The following ARHGEF18 variants were observed in gnomAD, a reference collection of about 807,000 sequenced individuals.
ARHGEF18 encodes the protein rho guanine nucleotide exchange factor 18.
Under a neutral mutation model 155.7 loss-of-function variants are expected in ARHGEF18, and 93 were observed. The observed-to-expected ratio is 0.60, with a 90% CI of 0.50 to 0.71. The LOEUF is 0.71. ARHGEF18 is among the 30% of genes least tolerant of loss of function. The pLI, the probability that ARHGEF18 is intolerant of heterozygous loss-of-function variation, is 0.00. For missense variants in ARHGEF18, 1,593 were observed against 1,816.1 expected (o/e 0.88, Z 2.23); for synonymous variants, 742 against 753.1 (o/e 0.99, Z 0.24).
chr19:7,402,700 C>T (rs915156935), intron 10 of ARHGEF18, among the ~76,000 whole-genome samples: 27 of 152,018 alleles, frequency 1.8e-4, no homozygotes, highest in Admixed American at 9.2e-4. Context: ...CAGCTTGCCC[C>T]GTAAGTGGTG....
chr19:7,478,951 C>G, the ARHGEF18 span, among the ~76,000 whole-genome samples: 1 of 152,276 alleles, frequency 6.6e-6, no homozygotes, highest in African/African-American at 2.4e-5. Flanking sequence ...CCAGCAGGCT[C>G]TGCAGCCGTG....
rs545863556 is a variant in ARHGEF18 at position 7,354,592 on chromosome 19, C to T, written c.-111+5351C>T. ...ATGAGCACTCGTTGACACACACACACCATACCCCACACTTGGGTACAGAGA... is the reference window on the plus strand; with the variant it reads ...ATGAGCACTCGTTGACACACACACATCATACCCCACACTTGGGTACAGAGA... On this transcript the variant is annotated intron_variant, in intron 1 of 28. Transcript: ENST00000668164. Among the ~76,000 whole-genome samples, 7 of 152,200 alleles carry T rather than the reference C, an allele frequency of 4.6e-5. No homozygotes were observed. The South Asian group carries it at 1.5e-3, about 32-fold the overall frequency.
At chr19:7,377,380 TTTC>T (rs1970511431) in intron 5 of ARHGEF18, among the ~76,000 whole-genome samples, 1 of 150,576 alleles carries the variant, frequency 6.6e-6, no homozygotes. Context: ...ATTCTGACTA[TTTC>T]TTTATCTCTT....
chr19:7,382,993 G>A, intron 9 of ARHGEF18, 69 bp from the exon 10 acceptor site: 2 of 1,232,308 alleles, frequency 1.6e-6, no homozygotes, highest in Non-Finnish European at 2.0e-6. Context: ...GTGGTGGGCT[G>A]GGTACACAGT....
chr19:7,431,028 C>T (rs1973928799), intron 10 of ARHGEF18, among the ~76,000 whole-genome samples: 1 of 151,982 alleles, frequency 6.6e-6, no homozygotes, highest in Non-Finnish European at 1.5e-5. Flanking sequence ...ATAGCACACA[C>T]CTATGGTCCC....
intron 3 of ARHGEF18, 47 bp from the exon 4 acceptor site, chr19:7,375,673 G>C: frequency 8.1e-7 from 1 of 1,233,558 alleles, no homozygotes. Context: ...GCAGCAGCCA[G>C]GTGGGCAAGA....
intron 16 of ARHGEF18, among the ~76,000 whole-genome samples, chr19:7,453,154 G>A (rs763437499): frequency 7.9e-5 from 12 of 151,966 alleles, no homozygotes; most frequent in East Asian, 1.9e-4. Flanking sequence ...CTGAGATTGC[G>A]CCATTGTACT....
At chr19:7,396,639 C>T (rs971387001) in intron 10 of ARHGEF18, among the ~76,000 whole-genome samples, 7 of 151,346 alleles carry the variant, frequency 4.6e-5, no homozygotes, top group African/African-American at 1.7e-4. Context: ...CACTTGAACT[C>T]GGGAGGCAGA....
intron 3 of ARHGEF18, among the ~76,000 whole-genome samples, chr19:7,375,366 G>GAAGAAAGAA (rs1444335275): frequency 7.2e-6 from 1 of 139,580 alleles, no homozygotes; most frequent in African/African-American, 2.6e-5. Flanking sequence ...AGGAAGGAAG[G>GAAGAAAGAA]AAGGAAGGAA....
At chr19:7,436,844 T>C (rs565691567) in intron 10 of ARHGEF18, among the ~76,000 whole-genome samples, 85 of 152,316 alleles carry the variant, frequency 5.6e-4, no homozygotes, top group African/African-American at 2.0e-3. Flanking sequence ...TTTTTTTACA[T>C]AGGTGTTGCT....
chr19:7,375,645 C>T (rs78541251), intron 3 of ARHGEF18, 75 bp from the exon 4 acceptor site: 4 of 1,221,472 alleles, frequency 3.3e-6, no homozygotes, highest in Non-Finnish European at 4.1e-6. Context: ...TTCTTTCAAG[C>T]CCCCCTGGAT....
At chr19:7,439,650 C>G (rs8110777) in intron 10 of ARHGEF18, 673,994 of 1,142,088 alleles carry the variant, frequency 0.59, 200,424 homozygotes, top group East Asian at 0.77. Context: ...CACTTCGATG[C>G]TAGAATTCTG....
In ARHGEF18 at chr19:7,362,836, C is replaced by T; in HGVS notation, c.-55C>T. ...TTGACTCTGGAGCTGTGGCTTCAGC[C>T]ACCAAGAGCAGCAGTGGATCCTGGA... On this transcript the variant is annotated 5_prime_UTR_variant, in exon 2 of 29. Transcript: ENST00000668164. The T allele has an allele frequency of 8.1e-7, 1 of 1,234,320 alleles. No individual in the cohort carries two copies. Among genetic ancestry groups the T allele is most frequent in the Non-Finnish European group, 1.0e-6 (1 of 988,178 alleles). 76.5% of individuals were successfully genotyped at this position (1,234,320 alleles called of 1,614,324 possible). A position where few individuals can be genotyped will look rare whatever the true frequency, so the allele number is the denominator to read the frequency against.
At chr19:7,453,745 G>T in intron 17 of ARHGEF18, 30 bp downstream of exon 17, 1 of 1,516,010 alleles carries the variant, frequency 6.6e-7, no homozygotes, top group South Asian at 1.3e-5. Context: ...CACCTCTAGT[G>T]GGTGCCATCT....
rs1199771179 is a variant in ARHGEF18, at chr19:7,470,112, T to A, written c.3914-14T>A. ...CCCGGCGACTGCTCAGTCTGAACCC[T>A]CTCTCTGTTCCAGACCCTGGCTTCC... On this transcript the variant is annotated splice_polypyrimidine_tract_variant and intron_variant, in intron 28 of 28. Coordinates refer to ENST00000668164, the MANE Select transcript of ARHGEF18 (RefSeq NM_001367823.1). This position sits in a 1 kb window ranked among gnomAD's most constrained non-coding sequence, Gnocchi z 5.9. The A allele has an allele frequency of 2.5e-6, 4 of 1,611,174 alleles. No homozygotes were observed. Among genetic ancestry groups the A allele is most frequent in the Non-Finnish European group, 3.4e-6 (4 of 1,179,360 alleles).
intron 17 of ARHGEF18, 52 bp downstream of exon 17, chr19:7,453,767 G>A (rs1258569018): frequency 2.0e-6 from 3 of 1,503,162 alleles, no homozygotes; most frequent in South Asian, 2.7e-5. Context: ...GGATCAGTGG[G>A]CACTGTCTTG....
intron 18 of ARHGEF18, among the ~76,000 whole-genome samples, chr19:7,457,709 T>C (rs1020751711): frequency 1.3e-5 from 2 of 152,050 alleles, no homozygotes; most frequent in Non-Finnish European, 2.9e-5. Flanking sequence ...AGCCACATTC[T>C]GAGGTGCTAG....
chr19:7,412,516 C>A (rs185199207), intron 10 of ARHGEF18, among the ~76,000 whole-genome samples: 274 of 151,638 alleles, frequency 1.8e-3, no homozygotes, highest in African/African-American at 6.4e-3. Flanking sequence ...CGAAGGTGGG[C>A]GGATCACCTG....
chr19:7,440,119 C>T lies in ARHGEF18; in HGVS notation c.968-225C>T, dbSNP rs1356067343. 2 of 1,551,070 alleles carry T rather than the reference C, an allele frequency of 1.3e-6. No individual in the cohort carries two copies. Among genetic ancestry groups the T allele is most frequent in the Admixed American group, 3.9e-5 (2 of 50,998 alleles). ...GGCGCGAACATGGGGAATGCGCACT[C>T]CAAAAGCGGGGACAGGCACAGCGCG... On this transcript the variant is annotated intron_variant, in intron 10 of 28. Coordinates refer to ENST00000668164, the MANE Select transcript of ARHGEF18 (RefSeq NM_001367823.1). The surrounding 1 kb of genome is among the most constrained non-coding windows in gnomAD (Gnocchi z 5.4).
Sources: allele counts gnomAD v4.1 joint callset (sites outside exome capture counted in the v4.1 genomes callset), GRCh38; gene constraint gnomAD v4.1.1; non-coding constraint Gnocchi (gnomAD v3.1); transcripts MANE v1.5; gene names NCBI Gene and HGNC (gene_info 2026-07-23, HGNC 2026-07-21).